The following KCNH1 variants were observed in gnomAD, a reference collection of about 807,000 sequenced individuals.
KCNH1 encodes voltage-gated delayed rectifier potassium channel KCNH1.
Under a neutral mutation model 69.2 loss-of-function variants are expected in KCNH1, and 27 were observed. The ratio of observed to expected loss-of-function variants is 0.39; its 90% CI spans 0.29 to 0.54. The LOEUF (loss-of-function observed/expected upper bound fraction) is 0.54. KCNH1 is among the 20% of genes least tolerant of loss of function. KCNH1 has a pLI of 0.68. For missense variants in KCNH1, 798 were observed against 1,261.6 expected, an observed-to-expected ratio of 0.63 and a Z score of 5.57; for synonymous variants, 456 against 487.7, an observed-to-expected ratio of 0.93 and a Z score of 0.86.
chr1:210,724,344 G>A (rs10863851), intron 10 of KCNH1, among the ~76,000 whole-genome samples: 25,084 of 152,050 alleles, frequency 0.16, 2,169 homozygotes, highest in Admixed American at 0.22. Context: ...AGCCAAGGCT[G>A]GATAACCACT....
intron 6 of KCNH1, among the ~76,000 whole-genome samples, chr1:211,008,517 A>G (rs1689327802): frequency 6.6e-6 from 1 of 152,250 alleles, no homozygotes. Context: ...GACACACTCA[A>G]TATGGTTGAG....
intron 6 of KCNH1, among the ~76,000 whole-genome samples, chr1:211,006,717 A>C (rs557148105): frequency 6.6e-6 from 1 of 152,326 alleles, no homozygotes; most frequent in South Asian, 2.1e-4. Context: ...ATTTATTTAC[A>C]AAGACATACT....
At chr1:211,077,442 G>T (rs1690756283) in intron 5 of KCNH1, among the ~76,000 whole-genome samples, 1 of 152,162 alleles carries the variant, frequency 6.6e-6, no homozygotes. Context: ...GAAGAGAGTG[G>T]GGGCCAATAT....
At chr1:211,002,304 ACATG>A (rs1689200191) in intron 6 of KCNH1, among the ~76,000 whole-genome samples, 2 of 145,304 alleles carry the variant, frequency 1.4e-5, no homozygotes, top group African/African-American at 5.1e-5. Context: ...ATATATGTAT[ACATG>A]TATACGTGTA....
At chr1:210,999,849 G>C (rs927345816) in intron 6 of KCNH1, among the ~76,000 whole-genome samples, 1 of 152,198 alleles carries the variant, frequency 6.6e-6, no homozygotes, top group Admixed American at 6.5e-5. Context: ...GGGATGCAAG[G>C]CTGGTTCAAC....
chr1:210,978,186 C>G (rs1286594739), intron 6 of KCNH1, among the ~76,000 whole-genome samples: 2 of 151,730 alleles, frequency 1.3e-5, no homozygotes, highest in Admixed American at 1.3e-4. Context: ...CTACAGGCAC[C>G]CACCACCACA....
intron 1 of KCNH1, among the ~76,000 whole-genome samples, chr1:211,112,512 A>AC (rs1691492886): frequency 6.6e-6 from 1 of 150,570 alleles, no homozygotes; most frequent in Non-Finnish European, 1.5e-5. Flanking sequence ...AAAAAAAAAA[A>AC]AAAAAAAAAA....
intron 6 of KCNH1, among the ~76,000 whole-genome samples, chr1:211,008,951 GC>G (rs1689339952): frequency 6.6e-6 from 1 of 152,174 alleles, no homozygotes; most frequent in Admixed American, 6.5e-5. Context: ...CTCAGGGAAA[GC>G]CACTCTAATC....
intron 10 of KCNH1, among the ~76,000 whole-genome samples, chr1:210,710,720 TGG>T (rs890325416): frequency 3.3e-5 from 5 of 152,126 alleles, no homozygotes; most frequent in African/African-American, 1.2e-4. Context: ...GAGTCATACT[TGG>T]GTCTGCTTGC....
intron 7 of KCNH1, among the ~76,000 whole-genome samples, chr1:210,835,877 C>G (rs1049041649): frequency 2.0e-5 from 3 of 151,982 alleles, no homozygotes; most frequent in Admixed American, 2.0e-4. Context: ...AGCTTGTAAT[C>G]CCAGGACTTT....
chr1:211,070,918 C>A (rs1690631022), intron 5 of KCNH1, among the ~76,000 whole-genome samples: 1 of 151,904 alleles, frequency 6.6e-6, no homozygotes, highest in African/African-American at 2.4e-5. Flanking sequence ...GAGTTAGGGA[C>A]ACCGATGCCC....
chr1:210,881,807 A>C (rs1686500667), intron 7 of KCNH1, among the ~76,000 whole-genome samples: 1 of 152,246 alleles, frequency 6.6e-6, no homozygotes. Context: ...TATGATTCTA[A>C]CCATATGACA....
intron 7 of KCNH1, chr1:210,860,070 G>A (rs553014171): frequency 1.0e-4 from 142 of 1,393,532 alleles, no homozygotes; most frequent in African/African-American, 8.0e-4. Flanking sequence ...CAATTTTGCC[G>A]TATGACACGC....
At chr1:210,781,162 G>C (rs1036538768) in intron 9 of KCNH1, among the ~76,000 whole-genome samples, 1 of 152,082 alleles carries the variant, frequency 6.6e-6, no homozygotes, top group African/African-American at 2.4e-5. Context: ...TGTAATCCTT[G>C]GAGGAAAGTG....
intron 10 of KCNH1, among the ~76,000 whole-genome samples, chr1:210,767,380 T>G (rs2102359792): frequency 6.6e-6 from 1 of 152,324 alleles, no homozygotes; most frequent in Admixed American, 6.5e-5. Context: ...TTTGGGATTT[T>G]ACTGAGGACC....
chr1:210,947,552 G>C (rs1418034972), intron 6 of KCNH1, among the ~76,000 whole-genome samples: 1 of 149,738 alleles, frequency 6.7e-6, no homozygotes, highest in Non-Finnish European at 1.5e-5. Flanking sequence ...TCCAACCTGG[G>C]CAACACAGCA....
chr1:210,819,306 G>T (rs563593522), intron 7 of KCNH1, among the ~76,000 whole-genome samples: 1 of 152,214 alleles, frequency 6.6e-6, no homozygotes, highest in East Asian at 1.9e-4. Context: ...TTACTTGAAA[G>T]AGGAAGGATA....
intron 5 of KCNH1, among the ~76,000 whole-genome samples, chr1:211,051,981 A>G (rs1690215482): frequency 6.6e-6 from 1 of 152,184 alleles, no homozygotes; most frequent in Non-Finnish European, 1.5e-5. Flanking sequence ...AAAGAAAAAA[A>G]AAATGCAGAA....
intron 10 of KCNH1, among the ~76,000 whole-genome samples, chr1:210,710,780 C>T (rs1682053832): frequency 7.9e-6 from 1 of 126,878 alleles, no homozygotes; most frequent in African/African-American, 4.5e-5. Context: ...TGCACAGACT[C>T]TGTGCTCAAA....
Sources: allele counts gnomAD v4.1 joint callset (sites outside exome capture counted in the v4.1 genomes callset), GRCh38; gene constraint gnomAD v4.1.1; transcripts MANE v1.5; gene names NCBI Gene and HGNC (gene_info 2026-07-23, HGNC 2026-07-21).